The following HOXB1 variants were observed in gnomAD, a reference collection of about 807,000 sequenced individuals.
HOXB1 encodes homeobox protein Hox-B1.
HOXB1 carries 13 observed loss-of-function variants against 26.9 expected under a neutral mutation model. That is an observed-to-expected ratio of 0.48 (90% CI 0.31 to 0.77). The LOEUF (loss-of-function observed/expected upper bound fraction) is 0.77. Among genes scored for constraint, HOXB1 ranks in the 30% least tolerant of loss-of-function variants. The probability of loss-of-function intolerance (pLI) is 0.04; values close to 1 mark genes in which losing one functional copy is unlikely to be tolerated. For synonymous variants in HOXB1, 168 were observed against 170.8 expected, an observed-to-expected ratio of 0.98 and a Z score of 0.13; for missense variants, 366 against 403.6, an observed-to-expected ratio of 0.91 and a Z score of 0.80.
rs1481544990 is a variant in HOXB1, at chr17:48,529,406, A to C, written c.*141T>G. ...TTTCCCCATCCCCCCTCCCACCCCCAGGCAGCTCTAAACTGGCATTTCAGC... is the reference window on the plus strand; with the variant it reads ...TTTCCCCATCCCCCCTCCCACCCCCCGGCAGCTCTAAACTGGCATTTCAGC... On this transcript the variant is annotated 3_prime_UTR_variant, in exon 2 of 2. Transcript: ENST00000239174. 47 of 430,444 alleles carry C rather than the reference A, an allele frequency of 1.1e-4. No homozygotes were observed. The highest frequency in any genetic ancestry group is 2.1e-4 in the East Asian group (5 of 23,818). 26.7% of individuals were successfully genotyped at this position (430,444 alleles called of 1,614,324 possible).
rs765895827 is a variant in HOXB1, at chr17:48,529,790, C to T, written c.663G>A (p.Glu221=). ...GGCTCAGGTACTTGTTGAAATGGAACTCCTTTTCCAGTTCTGTCAGCTGCC... is the reference window on the plus strand; with the variant it reads ...GGCTCAGGTACTTGTTGAAATGGAATTCCTTTTCCAGTTCTGTCAGCTGCC... ...TTRQLTELEK[E]FHFNKYLSRA... is the part of the protein sequence containing the mutation. Residue 221 remains glutamate (E), a synonymous_variant, in exon 2 of 2, where the codon GAG becomes GAA. Coordinates refer to ENST00000239174, the MANE Select transcript of HOXB1 (RefSeq NM_002144.4). 1 of 1,604,948 alleles carries T rather than the reference C, an allele frequency of 6.2e-7. No individual in the cohort carries two copies. The highest frequency in any genetic ancestry group is 1.7e-5 in the Admixed American group (1 of 60,020).
intron 1 of HOXB1, 53 bp from the exon 2 acceptor site, chr17:48,529,928 T>G: frequency 7.0e-7 from 1 of 1,428,274 alleles, no homozygotes; most frequent in South Asian, 1.3e-5. Flanking sequence ...CTCTTTCTCC[T>G]TCCGCTTCCC....
In HOXB1 at chr17:48,529,862, C is replaced by A. The variant is rs1279175267; in HGVS notation, c.591G>T (p.Glu197Asp). The A allele has an allele frequency of 3.8e-6, 6 of 1,581,266 alleles. No homozygotes were observed. The highest frequency in any genetic ancestry group is 3.3e-5 in the South Asian group (3 of 89,924). The change falls in exon 2 of 2, where the codon GAG becomes GAT. Residue 197 changes from glutamate to aspartate, a missense_variant. By Grantham distance (45) the Glu-to-Asp change is conservative. Coordinates refer to ENST00000239174, the MANE Select transcript of HOXB1 (RefSeq NM_002144.4). ...GGCCACTGGGCGAGCCCAGGCCTGG[C>A]TCTGACACCTTCGCTAGGGGCGGGG... ...RNPPKTAKVS[E>D]PGLGSPSGLR...
chr17:48,530,712 C>A lies in HOXB1; in HGVS notation c.193G>T (p.Ala65Ser). 1 of 1,611,954 alleles carries A rather than the reference C, an allele frequency of 6.2e-7. No homozygotes were observed. The highest frequency in any genetic ancestry group is 8.5e-7 in the Non-Finnish European group (1 of 1,179,072). The change falls in exon 1 of 2, where the codon GCC becomes TCC. Residue 65 changes from alanine (A) to serine (S), a missense_variant. By Grantham distance (99) the Ala-to-Ser change is moderately conservative (BLOSUM62 1). Transcript: ENST00000239174. The surrounding 1 kb of genome is among the most constrained non-coding windows in gnomAD (Gnocchi z 6.2). ...PAFQQNSGYP[A>S]QQPPSTLGVP... ...CCCAGGGTCGAAGGCGGCTGCTGGG[C>A]GGGATAGCCGGAGTTCTGCTGAAAC...
chr17:48,530,414 T>C lies in HOXB1; in HGVS notation c.491A>G (p.Lys164Arg). ...AGGTTCTGAAGGGCAGGGTGTTTCC[T>C]TGTCCTCGGAGAGGAGATCAGCATA... ...PAYADLLSEDKETPCPSEPNT... is the reference protein window; with the variant it reads ...PAYADLLSEDRETPCPSEPNT... Residue 164 changes from lysine to arginine, a missense_variant, in exon 1 of 2, where the codon AAG becomes AGG. Coordinates refer to ENST00000239174, the MANE Select transcript of HOXB1 (RefSeq NM_002144.4). This position sits in a 1 kb window ranked among gnomAD's most constrained non-coding sequence, Gnocchi z 6.2. The C allele has an allele frequency of 6.2e-7, 1 of 1,614,122 alleles. No homozygotes were observed. The highest frequency in any genetic ancestry group is 8.5e-7 in the Non-Finnish European group (1 of 1,180,004).
Position 48,530,293 on chromosome 17 carries a change from G to T in HOXB1, c.577+35C>A. 6.4e-7 allele frequency: 1 copy of T among 1,558,060 alleles called. No individual in the cohort carries two copies. On this transcript the variant is annotated intron_variant, in intron 1 of 1. Coordinates refer to ENST00000239174, the MANE Select transcript of HOXB1 (RefSeq NM_002144.4). The surrounding 1 kb of genome is among the most constrained non-coding windows in gnomAD (Gnocchi z 6.2). ...TGCAGGGGAAGCAGAGATGCTTTGG[G>T]CCCCGGAGAAGGGGTGGCCACATCT...
At position 48,529,426 on chromosome 17, in the gene HOXB1, T is replaced by G; in HGVS notation, c.*121A>C. ...CCCCCAGGCAGCTCTAAACTGGCAT[T>G]TCAGCCCTAGAGAGGATCCCCAGGC... On this transcript the variant is annotated 3_prime_UTR_variant, in exon 2 of 2. Transcript: ENST00000239174. 1 of 689,768 alleles carries G rather than the reference T, an allele frequency of 1.4e-6. No individual in the cohort carries two copies. The highest frequency in any genetic ancestry group is 2.2e-6 in the Non-Finnish European group (1 of 457,238). The allele number at this position is 689,768 out of a possible 1,614,324, so 42.7% of individuals were successfully genotyped here.
In HOXB1 at chr17:48,530,618, G is replaced by C; in HGVS notation, c.287C>G (p.Ser96Cys). 1.2e-6 allele frequency: 2 copies of C among 1,613,992 alleles called. No homozygotes were observed. The highest frequency in any genetic ancestry group is 1.7e-6 in the Non-Finnish European group (2 of 1,180,020). ...PAACSPSYGP[S>C]QYYPLGQSEG... is the part of the protein sequence containing the mutation. ...TGATTGACCCAGAGGGTAGTACTGA[G>C]AAGGCCCGTAGCTGGGGCTGCAGGC... is the stretch of plus-strand genomic sequence containing the variant. The change falls in exon 1 of 2, where the codon TCT becomes TGT. Residue 96 changes from serine to cysteine, a missense_variant. Coordinates refer to ENST00000239174, the MANE Select transcript of HOXB1 (RefSeq NM_002144.4). This position sits in a 1 kb window ranked among gnomAD's most constrained non-coding sequence, Gnocchi z 6.2.
Position 48,530,668 on chromosome 17 carries a change from G to A in HOXB1, c.237C>T (p.Ser79=), listed in dbSNP as rs12946855. Residue 79 remains serine, a synonymous_variant, in exon 1 of 2, where the codon TCC becomes TCT. Transcript: ENST00000239174. The surrounding 1 kb of genome is among the most constrained non-coding windows in gnomAD (Gnocchi z 6.2). Reference sequence around the variant, plus strand: ...CGGCAGGAGCATACCCCGAGGGCGCGGAGCTGGGGAAGGGCACCCCCAGGG... The same window carrying A: ...CGGCAGGAGCATACCCCGAGGGCGCAGAGCTGGGGAAGGGCACCCCCAGGG... ...PSTLGVPFPS[S]APSGYAPAAC... 0.2 allele frequency: 316,531 copies of A among 1,613,416 alleles called. 32,471 individuals are homozygous for A. Among genetic ancestry groups the A allele is most frequent in the Non-Finnish European group, 0.21 (251,189 of 1,179,840 alleles).
rs1267410884 is a variant in HOXB1 at position 48,530,887 on chromosome 17, C to A, written c.18G>T (p.Met6Ile). The change falls in exon 1 of 2, where the codon ATG (methionine) becomes ATT (isoleucine). Residue 6 changes from methionine to isoleucine, a missense_variant. Transcript: ENST00000239174. This position sits in a 1 kb window ranked among gnomAD's most constrained non-coding sequence, Gnocchi z 6.2. The part of the protein sequence containing the change: MDYNR[M>I]NSFLEYPLCN... ...AGAGTGGGTACTCTAAGAAGGAGTTCATCCTATTATAGTCCATGCGTCAAG... is the reference window on the plus strand; with the variant it reads ...AGAGTGGGTACTCTAAGAAGGAGTTAATCCTATTATAGTCCATGCGTCAAG... 2 of 1,532,252 alleles carry A rather than the reference C, an allele frequency of 1.3e-6. No individual in the cohort carries two copies. The highest frequency in any genetic ancestry group is 1.8e-4 in the Middle Eastern group (1 of 5,630). The allele number at this position is 1,532,252 out of a possible 1,614,324, so 94.9% of individuals were successfully genotyped here.
In HOXB1 at chr17:48,529,173, G is replaced by A. The variant is rs973926247; in HGVS notation, c.*374C>T. On this transcript the variant is annotated 3_prime_UTR_variant, in exon 2 of 2. Coordinates refer to ENST00000239174, the MANE Select transcript of HOXB1 (RefSeq NM_002144.4). Reference sequence around the variant, plus strand: ...TGCGTGAGGAGACTCCTCAAAGCTCGAAGGCACTGAACCGAATAAACCCAA... The same window carrying A: ...TGCGTGAGGAGACTCCTCAAAGCTCAAAGGCACTGAACCGAATAAACCCAA... 1 of 177,712 alleles carries A rather than the reference G, an allele frequency of 5.6e-6. No individual in the cohort carries two copies. Among genetic ancestry groups the A allele is most frequent in the Non-Finnish European group, 1.2e-5 (1 of 85,136 alleles). 11.0% of individuals were successfully genotyped at this position (177,712 alleles called of 1,614,324 possible). A position where few individuals can be genotyped will look rare whatever the true frequency, so the allele number is the denominator to read the frequency against.
In HOXB1 at chr17:48,530,959, C is replaced by T; in HGVS notation, c.-55G>A. ...TTGGGGGAGACACCCTCTTGCCCTA[C>T]AACCTTTCGGCAGTATGTCACAGCG... On this transcript the variant is annotated 5_prime_UTR_variant, in exon 1 of 2. Transcript: ENST00000239174. The surrounding 1 kb of genome is among the most constrained non-coding windows in gnomAD (Gnocchi z 6.2). 7.7e-7 allele frequency: 1 copy of T among 1,302,216 alleles called. No individual in the cohort carries two copies. Among genetic ancestry groups the T allele is most frequent in the East Asian group, 2.3e-5 (1 of 42,596 alleles). The allele number at this position is 1,302,216 out of a possible 1,614,324, so 80.7% of individuals were successfully genotyped here.
chr17:48,529,463 A>C lies in HOXB1; in HGVS notation c.*84T>G. The stretch of plus-strand genomic sequence containing the variant: ...GAGGATCCCCAGGCCAGTGAAGCCC[A>C]GGCCTGGGGTTGGGGAGAGCCTGGG... On this transcript the variant is annotated 3_prime_UTR_variant, in exon 2 of 2. Transcript: ENST00000239174. The C allele has an allele frequency of 8.9e-6, 9 of 1,010,108 alleles. No homozygotes were observed. Among genetic ancestry groups the C allele is most frequent in the East Asian group, 3.0e-5 (1 of 32,958 alleles). 62.6% of individuals were successfully genotyped at this position (1,010,108 alleles called of 1,614,324 possible).
rs763626043 is a variant in HOXB1 at position 48,529,501 on chromosome 17, TG to T, written c.*45del. On this transcript the variant is annotated 3_prime_UTR_variant, in exon 2 of 2. Transcript: ENST00000239174. ...GGGAGAGCCTGGGATAGGGCTGGAC[TG>T]GGGCGCTCCAGTGCCTGGAAGCCCC... The T allele has an allele frequency of 4.2e-6, 6 of 1,442,614 alleles. No individual in the cohort carries two copies. The highest frequency in any genetic ancestry group is 5.6e-6 in the Non-Finnish European group (6 of 1,070,788). 89.4% of individuals were successfully genotyped at this position (1,442,614 alleles called of 1,614,324 possible). A position where few individuals can be genotyped will look rare whatever the true frequency, so the allele number is the denominator to read the frequency against.
rs1324504971 is a variant in HOXB1 at position 48,530,253 on chromosome 17, C to A, written c.577+75G>T. ...CTGAAAGAGAAGAACCCAGCCCAGA[C>A]CCAGGACATGTCACTGCAGGGGAAG... is the stretch of plus-strand genomic sequence containing the variant. On this transcript the variant is annotated intron_variant, in intron 1 of 1. Transcript: ENST00000239174. The surrounding 1 kb of genome is among the most constrained non-coding windows in gnomAD (Gnocchi z 6.2). 1.5e-6 allele frequency: 2 copies of A among 1,333,112 alleles called. No homozygotes were observed. Among genetic ancestry groups the A allele is most frequent in the Non-Finnish European group, 2.1e-6 (2 of 946,770 alleles). The allele number at this position is 1,333,112 out of a possible 1,614,324, so 82.6% of individuals were successfully genotyped here.
rs1567932198 is a variant in HOXB1 at position 48,529,607 on chromosome 17, A to T, written c.846T>A (p.Asp282Glu). The change falls in exon 2 of 2, where the codon GAT (aspartate) becomes GAA (glutamate). Residue 282 changes from aspartate (D) to glutamate (E), a missense_variant. Transcript: ENST00000239174. Reference protein sequence around the residue: ...PPGCPKEAAGDASDQSTCTSP... With the variant: ...PPGCPKEAAGEASDQSTCTSP... ...AGGTGCATGTCGACTGGTCTGAGGC[A>T]TCTCCAGCTGCCTCCTTGGGGCAGC... The T allele has an allele frequency of 3.8e-6, 6 of 1,583,836 alleles. No homozygotes were observed. The highest frequency in any genetic ancestry group is 5.2e-6 in the Non-Finnish European group (6 of 1,161,882).
At position 48,530,805 on chromosome 17, in the gene HOXB1, T is replaced by C; in HGVS notation, c.100A>G (p.Ser34Gly). 2.5e-6 allele frequency: 4 copies of C among 1,601,084 alleles called. No homozygotes were observed. The highest frequency in any genetic ancestry group is 3.4e-6 in the Non-Finnish European group (4 of 1,173,670). ...TAGCTGTCAACCGCCTGAGCCGAGC[T>C]TGGGGGAAAGGAGGTTGGGGCGCTG... ...AHSAPTSFPPSSAQAVDSYAS... is the reference protein window; with the variant it reads ...AHSAPTSFPPGSAQAVDSYAS... The change falls in exon 1 of 2, where the codon AGC (serine) becomes GGC (glycine). Residue 34 changes from serine to glycine, a missense_variant. Physicochemically the swap from Ser to Gly is moderately conservative, Grantham distance 56. Transcript: ENST00000239174. This position sits in a 1 kb window ranked among gnomAD's most constrained non-coding sequence, Gnocchi z 6.2.
chr17:48,529,883 CG>C lies in HOXB1; in HGVS notation c.578-9del. ...CTGGCTCTGACACCTTCGCTAGGGG[CG>C]GGGCAGGGAGAAAGGCCAGGTCAAT... On this transcript the variant is annotated splice_polypyrimidine_tract_variant and intron_variant, in intron 1 of 1. Coordinates refer to ENST00000239174, the MANE Select transcript of HOXB1 (RefSeq NM_002144.4). The C allele has an allele frequency of 6.4e-7, 1 of 1,562,210 alleles. No individual in the cohort carries two copies. The highest frequency in any genetic ancestry group is 8.6e-7 in the Non-Finnish European group (1 of 1,156,468).
chr17:48,530,855 C>G lies in HOXB1; in HGVS notation c.50G>C (p.Arg17Pro), dbSNP rs768410617. 3 of 1,553,720 alleles carry G rather than the reference C, an allele frequency of 1.9e-6. No individual in the cohort carries two copies. In the South Asian group the frequency reaches 3.8e-5, roughly 20 times the overall value. Residue 17 changes from arginine to proline, a missense_variant, in exon 1 of 2, where the codon CGG (arginine) becomes CCG (proline). Coordinates refer to ENST00000239174, the MANE Select transcript of HOXB1 (RefSeq NM_002144.4). The surrounding 1 kb of genome is among the most constrained non-coding windows in gnomAD (Gnocchi z 6.2). The stretch of plus-strand genomic sequence containing the variant: ...GTGGGCGCTGTAGGCGCTGGGTCCC[C>G]GGTTACAGAGTGGGTACTCTAAGAA... ...NSFLEYPLCNRGPSAYSAHSA... is the reference protein window; with the variant it reads ...NSFLEYPLCNPGPSAYSAHSA...
Sources: allele counts gnomAD v4.1 joint callset, GRCh38; gene constraint gnomAD v4.1.1; non-coding constraint Gnocchi (gnomAD v3.1); transcripts MANE v1.5; gene names NCBI Gene and HGNC (gene_info 2026-07-23, HGNC 2026-07-21).